SGCZ: variants seen among roughly 807,000 people sequenced by gnomAD.
The protein encoded by SGCZ is sarcoglycan zeta.
Under a neutral mutation model 41.3 loss-of-function variants are expected in SGCZ, and 40 were observed. That is an observed-to-expected ratio of 0.97 (90% CI 0.75 to 1.26). The LOEUF (loss-of-function observed/expected upper bound fraction) is 1.26, where lower values mean the gene tolerates loss of function less well. Ranked by LOEUF, SGCZ falls within the 50% of genes most tolerant of loss-of-function variation. The probability of loss-of-function intolerance (pLI) is 0.00; values close to 1 mark genes in which losing one functional copy is unlikely to be tolerated. For missense variants in SGCZ, 552 were observed against 369.8 expected (o/e 1.49, Z -4.04); for synonymous variants, 206 against 137.5 (o/e 1.50, Z -3.49).
intron 1 of SGCZ, among the ~76,000 whole-genome samples, chr8:15,185,090 A>G (rs1563171577): frequency 6.6e-6 from 1 of 152,278 alleles, no homozygotes; most frequent in Admixed American, 6.5e-5. Flanking sequence ...AAAATTTTGG[A>G]GCAGTATCTG....
intron 1 of SGCZ, among the ~76,000 whole-genome samples, chr8:15,028,908 C>A (rs947597047): frequency 6.6e-6 from 1 of 151,936 alleles, no homozygotes; most frequent in African/African-American, 2.4e-5. Context: ...AATTTAAAGA[C>A]CAGGTTGCAA....
At chr8:14,187,141 A>G (rs1255830258) in intron 4 of SGCZ, among the ~76,000 whole-genome samples, 1 of 152,218 alleles carries the variant, frequency 6.6e-6, no homozygotes. Flanking sequence ...GTCAGGGAAG[A>G]GGCAAAGGAT....
intron 1 of SGCZ, among the ~76,000 whole-genome samples, chr8:15,216,144 T>C (rs987558260): frequency 2.6e-5 from 4 of 152,098 alleles, no homozygotes; most frequent in Non-Finnish European, 2.9e-5. Context: ...TCTCTGGGGA[T>C]ATGGTTGAAA....
At chr8:15,234,665 G>C (rs1368172073) in intron 1 of SGCZ, among the ~76,000 whole-genome samples, 2 of 152,146 alleles carry the variant, frequency 1.3e-5, no homozygotes, top group African/African-American at 4.8e-5. Context: ...TTAACAATTA[G>C]AGCTTATCTT....
At chr8:14,864,820 C>A (rs1803870792) in intron 1 of SGCZ, among the ~76,000 whole-genome samples, 1 of 152,016 alleles carries the variant, frequency 6.6e-6, no homozygotes. Flanking sequence ...TCCTCCTTAT[C>A]CTCATCAGTG....
At chr8:14,863,609 G>A (rs983611344) in intron 1 of SGCZ, among the ~76,000 whole-genome samples, 8 of 152,126 alleles carry the variant, frequency 5.3e-5, no homozygotes, top group Non-Finnish European at 7.4e-5. Context: ...TTTAAGGATC[G>A]AGGTCAGGGA....
At chr8:14,615,923 A>G (rs1806085418) in intron 1 of SGCZ, among the ~76,000 whole-genome samples, 2 of 152,098 alleles carry the variant, frequency 1.3e-5, no homozygotes, top group African/African-American at 2.4e-5. Context: ...TATTACACTT[A>G]GAATAAGTTC....
chr8:14,384,291 G>A (rs933783577), intron 2 of SGCZ, among the ~76,000 whole-genome samples: 2 of 152,058 alleles, frequency 1.3e-5, no homozygotes, highest in African/African-American at 4.8e-5. Context: ...CAAAGGACAT[G>A]AACTTATCAT....
chr8:14,279,609 G>A lies in SGCZ; in HGVS notation c.337-41930C>T, dbSNP rs73521393. 6.2e-3 allele frequency among the ~76,000 whole-genome samples: 949 copies of A among 152,090 alleles called. 9 individuals are homozygous for A. The highest frequency in any genetic ancestry group is 0.022 in the African/African-American group (908 of 41,526). The stretch of plus-strand genomic sequence containing the variant: ...AAGTGAAGATGCACCAAGAATCCAT[G>A]ACTGTAACATATGTTAACATACCAC... On this transcript the variant is annotated intron_variant, in intron 3 of 7. Coordinates refer to ENST00000382080, the MANE Select transcript of SGCZ (RefSeq NM_139167.4).
At chr8:14,231,184 T>TGTGTGA (rs1806554841) in intron 4 of SGCZ, among the ~76,000 whole-genome samples, 1 of 150,252 alleles carries the variant, frequency 6.7e-6, no homozygotes, top group Non-Finnish European at 1.5e-5. Flanking sequence ...TGTGTGTGTG[T>TGTGTGA]GTGTGTGTGT....
At chr8:14,265,350 C>A (rs560243315) in intron 3 of SGCZ, among the ~76,000 whole-genome samples, 3 of 152,216 alleles carry the variant, frequency 2.0e-5, no homozygotes, top group African/African-American at 7.2e-5. Context: ...TTATAGCATT[C>A]TGATTTTAGT....
At chr8:14,300,748 C>G (rs1211349365) in intron 3 of SGCZ, among the ~76,000 whole-genome samples, 2 of 151,848 alleles carry the variant, frequency 1.3e-5, no homozygotes, top group Non-Finnish European at 2.9e-5. Context: ...AAAAATTTAT[C>G]TCTTAGCCAT....
chr8:14,895,292 G>A (rs1053629911), intron 1 of SGCZ, among the ~76,000 whole-genome samples: 5 of 152,082 alleles, frequency 3.3e-5, no homozygotes, highest in Non-Finnish European at 7.4e-5. Context: ...CTGATTGTTA[G>A]TGTACTCATC....
At chr8:14,860,260 C>T (rs1803676558) in intron 1 of SGCZ, among the ~76,000 whole-genome samples, 1 of 151,662 alleles carries the variant, frequency 6.6e-6, no homozygotes. Context: ...CCAGATACTG[C>T]CTGGATTTCT....
In SGCZ at chr8:14,610,003, G is replaced by C. The variant is rs374852835; in HGVS notation, c.40-55077C>G. ...ATATTTTTGTTACAAGTCTGTTCAC[G>C]AGGGAGATTTCAACTGCTACGATCT... On this transcript the variant is annotated intron_variant, in intron 1 of 7. Transcript: ENST00000382080. Among the ~76,000 whole-genome samples, 6 of 152,130 alleles carry C rather than the reference G, an allele frequency of 3.9e-5. No homozygotes were observed. In the East Asian group the frequency reaches 1.2e-3, roughly 29 times the overall value.
intron 1 of SGCZ, among the ~76,000 whole-genome samples, chr8:14,920,272 G>A (rs897258209): frequency 4.6e-5 from 7 of 152,126 alleles, no homozygotes; most frequent in African/African-American, 7.2e-5. Flanking sequence ...AACTGAAGTA[G>A]TGCTATAATA....
At chr8:14,463,228 T>C (rs1306433902) in intron 2 of SGCZ, among the ~76,000 whole-genome samples, 4 of 151,260 alleles carry the variant, frequency 2.6e-5, no homozygotes, top group South Asian at 2.1e-4. Flanking sequence ...TAGAATGGAA[T>C]CTCATGAGAG....
intron 1 of SGCZ, among the ~76,000 whole-genome samples, chr8:14,561,391 T>C (rs183042490): frequency 2.6e-5 from 4 of 152,042 alleles, no homozygotes; most frequent in East Asian, 1.9e-4. Context: ...TTTCAGAGAG[T>C]TGATCACAAT....
chr8:14,944,781 A>G (rs1800386865), intron 1 of SGCZ, among the ~76,000 whole-genome samples: 1 of 152,116 alleles, frequency 6.6e-6, no homozygotes, highest in Non-Finnish European at 1.5e-5. Flanking sequence ...GTTTATTGAG[A>G]CTTGACCCCA....
Sources: allele counts gnomAD v4.1 joint callset (sites outside exome capture counted in the v4.1 genomes callset), GRCh38; gene constraint gnomAD v4.1.1; transcripts MANE v1.5; gene names NCBI Gene and HGNC (gene_info 2026-07-23, HGNC 2026-07-21).